The following SHISA9 variants were observed in gnomAD, a reference collection of about 807,000 sequenced individuals.
SHISA9 encodes protein shisa-9.
A neutral mutation model predicts 38.0 loss-of-function variants in SHISA9; 13 were observed. The observed-to-expected ratio is 0.34, with a 90% confidence interval of 0.22 to 0.54. The LOEUF is 0.54. SHISA9 is among the 20% of genes least tolerant of loss of function. The pLI is 0.91. For missense variants in SHISA9, 538 were observed against 575.8 expected (o/e 0.93, Z 0.67); for synonymous variants, 275 against 242.0 (o/e 1.14, Z -1.27).
intron 2 of SHISA9, among the ~76,000 whole-genome samples, chr16:13,167,062 TCTC>T (rs1567233126): frequency 6.3e-5 from 8 of 126,140 alleles, no homozygotes; most frequent in South Asian, 5.5e-4. Flanking sequence ...TCTCTCTCTC[TCTC>T]TTTTTTCTTT....
the SHISA9 span, among the ~76,000 whole-genome samples, chr16:13,377,664 C>A: frequency 6.6e-6 from 1 of 152,208 alleles, no homozygotes; most frequent in South Asian, 2.1e-4. Context: ...AAAGAAGATT[C>A]TACTCAGTAT....
intron 2 of SHISA9, among the ~76,000 whole-genome samples, chr16:13,096,591 G>A (rs2073830400): frequency 1.3e-5 from 2 of 152,136 alleles, no homozygotes; most frequent in Admixed American, 1.3e-4. Context: ...GAGTAGAATT[G>A]GAAGGGCCCA....
chr16:12,985,713 C>G (rs2072299325), intron 2 of SHISA9, among the ~76,000 whole-genome samples: 1 of 152,126 alleles, frequency 6.6e-6, no homozygotes, highest in South Asian at 2.1e-4. Context: ...GGCCTTACAC[C>G]CAGATCTCCT....
At chr16:13,136,552 C>T (rs751349687) in intron 2 of SHISA9, among the ~76,000 whole-genome samples, 6 of 151,862 alleles carry the variant, frequency 4.0e-5, no homozygotes, top group Non-Finnish European at 7.4e-5. Flanking sequence ...GTGCCCATCA[C>T]CACTCCCGGC....
chr16:13,089,735 A>G (rs183321730), intron 2 of SHISA9, among the ~76,000 whole-genome samples: 22 of 152,012 alleles, frequency 1.4e-4, no homozygotes, highest in Admixed American at 1.4e-3. Flanking sequence ...AATTTTGTTG[A>G]TCTTTCCAAA....
At chr16:13,405,454 T>C in the SHISA9 span, among the ~76,000 whole-genome samples, 7,601 of 152,286 alleles carry the variant, frequency 0.05, 618 homozygotes, top group African/African-American at 0.17. Flanking sequence ...ACCCCAGAAC[T>C]GGAAGACATT....
chr16:13,337,071 C>A, the SHISA9 span, among the ~76,000 whole-genome samples: 1 of 152,226 alleles, frequency 6.6e-6, no homozygotes, highest in Non-Finnish European at 1.5e-5. Flanking sequence ...GTCTGGGAGA[C>A]AATGAAGTGT....
chr16:13,008,641 C>T (rs1567179892), intron 2 of SHISA9, among the ~76,000 whole-genome samples: 1 of 47,886 alleles, frequency 2.1e-5, no homozygotes, highest in African/African-American at 9.3e-5. Flanking sequence ...TCTCCTCCCT[C>T]CCTCCCTCCC....
chr16:12,946,875 C>T (rs752349029), intron 2 of SHISA9, among the ~76,000 whole-genome samples: 1 of 152,234 alleles, frequency 6.6e-6, no homozygotes, highest in African/African-American at 2.4e-5. Context: ...TCCTGCTTGC[C>T]CCCTGTTATT....
intron 3 of SHISA9, among the ~76,000 whole-genome samples, chr16:13,208,433 C>CTT (rs148636082): frequency 0.014 from 1,684 of 119,812 alleles, 36 homozygotes; most frequent in African/African-American, 0.053. Context: ...CTTTCTTTTT[C>CTT]TTTTTTTTTC....
At chr16:13,139,394 T>TTCC (rs2050378798) in intron 2 of SHISA9, among the ~76,000 whole-genome samples, 11 of 94,992 alleles carry the variant, frequency 1.2e-4, no homozygotes, top group African/African-American at 2.8e-4. Context: ...CCCTTCCTTC[T>TTCC]TTCCTTCCTT....
chr16:13,544,211 A>G, the SHISA9 span, among the ~76,000 whole-genome samples: 1 of 149,872 alleles, frequency 6.7e-6, no homozygotes, highest in African/African-American at 2.4e-5. Context: ...TATTAAATAT[A>G]CATAATACTA....
the SHISA9 span, among the ~76,000 whole-genome samples, chr16:13,454,657 C>T: frequency 6.6e-6 from 1 of 152,196 alleles, no homozygotes; most frequent in Non-Finnish European, 1.5e-5. Context: ...TGTGCTTCAC[C>T]TGGCCTCTAC....
the SHISA9 span, among the ~76,000 whole-genome samples, chr16:13,464,610 A>G: frequency 2.0e-5 from 3 of 152,190 alleles, no homozygotes; most frequent in Non-Finnish European, 4.4e-5. Context: ...CCTCTTTCCC[A>G]AAACCACTGA....
intron 2 of SHISA9, among the ~76,000 whole-genome samples, chr16:13,077,407 A>T (rs1283955167): frequency 2.0e-5 from 3 of 152,010 alleles, no homozygotes; most frequent in African/African-American, 4.8e-5. Context: ...GATTTTGCAC[A>T]CTCAATTTCA....
At chr16:13,286,491 C>T in the SHISA9 span, among the ~76,000 whole-genome samples, 1 of 152,136 alleles carries the variant, frequency 6.6e-6, no homozygotes, top group Admixed American at 6.5e-5. Flanking sequence ...CCGCATAAAA[C>T]AGGCATACAG....
chr16:13,554,355 GGGATAA>G, the SHISA9 span, among the ~76,000 whole-genome samples: 1 of 150,934 alleles, frequency 6.6e-6, no homozygotes, highest in Non-Finnish European at 1.5e-5. Context: ...GAAGGGCATG[GGGATAA>G]GGAAACAGAG....
intron 2 of SHISA9, among the ~76,000 whole-genome samples, chr16:12,996,976 A>C (rs1875394): frequency 0.5 from 75,413 of 151,852 alleles, 19,544 homozygotes; most frequent in African/African-American, 0.63. Flanking sequence ...AGGCTAGACT[A>C]GTTTTTATCA....
intron 2 of SHISA9, among the ~76,000 whole-genome samples, chr16:13,190,939 G>A (rs1369891323): frequency 6.6e-6 from 1 of 151,162 alleles, no homozygotes; most frequent in African/African-American, 2.4e-5. Context: ...AATTCCTGCT[G>A]GTCTCTCTGC....
Sources: gnomAD v4.1 joint callset for allele counts (sites outside exome capture counted in the v4.1 genomes callset) on GRCh38, gnomAD v4.1.1 for gene constraint, MANE v1.5 for transcripts, NCBI Gene and HGNC (gene_info 2026-07-23, HGNC 2026-07-21) for gene names.